Variants in ALKAL1 observed in about 807,000 individuals in gnomAD.
The protein encoded by ALKAL1 is ALK and LTK ligand 1.
In ALKAL1, 23 loss-of-function variants were observed where a neutral mutation model predicts 13.5. The ratio of observed to expected loss-of-function variants is 1.70; its 90% CI spans 1.23 to 2.41. The LOEUF (loss-of-function observed/expected upper bound fraction) is 2.41. Among genes scored for constraint, ALKAL1 ranks in the 30% most tolerant of loss-of-function variants. ALKAL1 has a pLI of 0.00. For synonymous variants in ALKAL1, 85 were observed against 77.7 expected (o/e 1.09, Z -0.49); for missense variants, 181 against 178.4 (o/e 1.01, Z -0.08).
intron 1 of ALKAL1, among the ~76,000 whole-genome samples, chr8:52,559,768 C>T (rs1336545690): frequency 6.6e-6 from 1 of 152,058 alleles, no homozygotes; most frequent in East Asian, 1.9e-4. Flanking sequence ...GCTTATGCCT[C>T]ATAATGGTAG....
At chr8:52,538,323 C>T in intron 4 of ALKAL1, 108 bp downstream of exon 4, 1 of 668,340 alleles carries the variant, frequency 1.5e-6, no homozygotes, top group South Asian at 1.9e-5. Flanking sequence ...AACACTGTAC[C>T]CCATAAATAT....
intron 1 of ALKAL1, among the ~76,000 whole-genome samples, chr8:52,543,337 G>A (rs139097659): frequency 2.3e-4 from 35 of 152,350 alleles, no homozygotes; most frequent in African/African-American, 7.2e-4. Context: ...GAGCCATCAC[G>A]GTGATGAGTG....
At chr8:52,559,988 A>G (rs1164884682) in intron 1 of ALKAL1, among the ~76,000 whole-genome samples, 1 of 152,174 alleles carries the variant, frequency 6.6e-6, no homozygotes. Context: ...AAGAATTTAC[A>G]CAATGACTTT....
chr8:52,537,650 T>C (rs1847276340), intron 4 of ALKAL1, among the ~76,000 whole-genome samples: 1 of 151,894 alleles, frequency 6.6e-6, no homozygotes, highest in South Asian at 2.1e-4. Context: ...ATAAAAAGAA[T>C]GAAATGCTAT....
At chr8:52,542,737 C>T (rs1847326363) in intron 1 of ALKAL1, among the ~76,000 whole-genome samples, 1 of 152,210 alleles carries the variant, frequency 6.6e-6, no homozygotes, top group African/African-American at 2.4e-5. Flanking sequence ...TCCCGTGTTC[C>T]TCAGTCCACT....
In ALKAL1 at chr8:52,534,382, C is replaced by A. The variant is rs1847247730; in HGVS notation, c.*231G>T. On this transcript the variant is annotated 3_prime_UTR_variant, in exon 5 of 5. Transcript: ENST00000358543. ...AATATCTAATTTTCAATATGCGATTCAAACTCTGTTTTACAAAATTATAAA... is the reference window on the plus strand; with the variant it reads ...AATATCTAATTTTCAATATGCGATTAAAACTCTGTTTTACAAAATTATAAA... 1.1e-5 allele frequency: 4 copies of A among 367,852 alleles called. No homozygotes were observed. The highest frequency in any genetic ancestry group is 1.9e-5 in the Non-Finnish European group (4 of 208,402). 22.8% of individuals were successfully genotyped at this position (367,852 alleles called of 1,614,324 possible).
At chr8:52,544,158 G>A (rs894563736) in intron 1 of ALKAL1, among the ~76,000 whole-genome samples, 5 of 152,030 alleles carry the variant, frequency 3.3e-5, no homozygotes, top group Admixed American at 2.6e-4. Context: ...CAAGGAATAG[G>A]AAGCCAAGAG....
intron 1 of ALKAL1, among the ~76,000 whole-genome samples, chr8:52,548,351 A>G (rs189338828): frequency 3.4e-4 from 49 of 145,108 alleles, no homozygotes; most frequent in African/African-American, 1.2e-3. Flanking sequence ...GTCTCAAAAG[A>G]AAAAAAAAAA....
At chr8:52,558,162 G>A (rs1480770512) in intron 1 of ALKAL1, among the ~76,000 whole-genome samples, 15 of 147,544 alleles carry the variant, frequency 1.0e-4, no homozygotes, top group South Asian at 2.2e-4. Context: ...ATATACACAC[G>A]TATATATATA....
rs1384356317 is a variant in ALKAL1, at chr8:52,534,134, C to A, written c.*479G>T. The A allele has an allele frequency of 6.6e-6, 1 of 151,750 alleles. No homozygotes were observed. Among genetic ancestry groups the A allele is most frequent in the Non-Finnish European group, 1.5e-5 (1 of 68,008 alleles). 9.4% of individuals were successfully genotyped at this position (151,750 alleles called of 1,614,324 possible). ...TTCAAATTAATGCAAGTGAAGACAA[C>A]AAGTTCTAAATAAATGTATTTAAAT... On this transcript the variant is annotated 3_prime_UTR_variant, in exon 5 of 5. Transcript: ENST00000358543.
At chr8:52,554,928 T>G (rs941661939) in intron 1 of ALKAL1, among the ~76,000 whole-genome samples, 10 of 152,130 alleles carry the variant, frequency 6.6e-5, no homozygotes, top group African/African-American at 2.4e-4. Flanking sequence ...TCCCAGCACT[T>G]TGGGAGGCTG....
intron 1 of ALKAL1, among the ~76,000 whole-genome samples, chr8:52,544,049 T>C (rs972361023): frequency 7.9e-5 from 12 of 152,182 alleles, no homozygotes; most frequent in Non-Finnish European, 2.9e-5. Flanking sequence ...GCACCGTGTG[T>C]GTCTGTCTTC....
rs142654921 is a variant in ALKAL1, at chr8:52,550,200, A to C, written c.191-7755T>G. ...AGCTGGGTGGTTTAATGAGACCTAAATGCCATTTAGGCTGTAAATTACGCA... is the reference window on the plus strand; with the variant it reads ...AGCTGGGTGGTTTAATGAGACCTAACTGCCATTTAGGCTGTAAATTACGCA... On this transcript the variant is annotated intron_variant, in intron 1 of 4. Transcript: ENST00000358543. Among the ~76,000 whole-genome samples, 791 of 152,306 alleles carry C rather than the reference A, an allele frequency of 5.2e-3. 8 individuals carry two copies. The highest frequency in any genetic ancestry group is 0.018 in the African/African-American group (764 of 41,558).
At chr8:52,563,907 C>A (rs1488424365) in intron 1 of ALKAL1, among the ~76,000 whole-genome samples, 2 of 152,244 alleles carry the variant, frequency 1.3e-5, no homozygotes, top group Admixed American at 1.3e-4. Flanking sequence ...TGGGAGAGTG[C>A]AGACACTGCT....
chr8:52,555,367 G>A (rs576029790), intron 1 of ALKAL1, among the ~76,000 whole-genome samples: 15 of 152,070 alleles, frequency 9.9e-5, no homozygotes, highest in East Asian at 1.9e-4. Context: ...TGACATCTTC[G>A]GGTTTTGCTG....
rs1014716933 is a variant in ALKAL1 at position 52,536,742 on chromosome 8, T to C, written c.*12+1689A>G. 3.3e-5 allele frequency among the ~76,000 whole-genome samples: 5 copies of C among 152,252 alleles called. No homozygotes were observed. The East Asian group carries it at 9.6e-4, about 29-fold the overall frequency. On this transcript the variant is annotated intron_variant, in intron 4 of 4. Transcript: ENST00000358543. ...AAAATAGAACATCTAAGTACTTTTG[T>C]TAATCTAATGCCTATCTGCGTAATG...
chr8:52,556,053 G>C (rs990184015), intron 1 of ALKAL1, among the ~76,000 whole-genome samples: 3 of 152,056 alleles, frequency 2.0e-5, no homozygotes, highest in Non-Finnish European at 1.5e-5. Context: ...TGCAAAAATT[G>C]GCTACAAGAA....
At chr8:52,535,397 A>G (rs1426150758) in intron 4 of ALKAL1, among the ~76,000 whole-genome samples, 1 of 151,564 alleles carries the variant, frequency 6.6e-6, no homozygotes, top group African/African-American at 2.4e-5. Flanking sequence ...AAAAAAAAAA[A>G]AAAATTAGAT....
intron 1 of ALKAL1, among the ~76,000 whole-genome samples, chr8:52,554,736 G>A (rs1847463475): frequency 6.6e-6 from 1 of 152,188 alleles, no homozygotes; most frequent in South Asian, 2.1e-4. Context: ...ACACTTAAAG[G>A]CTGAAGAAGA....
Sources: gnomAD v4.1 joint callset for allele counts (sites outside exome capture counted in the v4.1 genomes callset) on GRCh38, gnomAD v4.1.1 for gene constraint, MANE v1.5 for transcripts, NCBI Gene and HGNC (gene_info 2026-07-23, HGNC 2026-07-21) for gene names.